Variants in FMR1NB observed in about 807,000 individuals in gnomAD.
The protein encoded by FMR1NB is FMR1 neighbor protein.
Under a neutral mutation model 16.8 loss-of-function variants are expected in FMR1NB, and 10 were observed. That is an observed-to-expected ratio of 0.60 (90% CI 0.37 to 1.01). The LOEUF (loss-of-function observed/expected upper bound fraction) is 1.01, where lower values mean the gene tolerates loss of function less well. Among genes scored for constraint, FMR1NB ranks in the 50% least tolerant of loss-of-function variants. The pLI, the probability that FMR1NB is intolerant of heterozygous loss-of-function variation, is 0.01. For synonymous variants in FMR1NB, 83 were observed against 79.1 expected (o/e 1.05, Z -0.26); for missense variants, 205 against 204.8 (o/e 1.00, Z 0.00).
chrX:148,017,852 C>G (rs2044658174), intron 4 of FMR1NB, among the ~76,000 whole-genome samples: 1 of 106,609 alleles, frequency 9.4e-6, no homozygotes, highest in South Asian at 4.2e-4. Flanking sequence ...ATCCATGTCC[C>G]TACAAAGGAC....
intron 1 of FMR1NB, among the ~76,000 whole-genome samples, chrX:147,999,777 A>G (rs2044561944): frequency 8.9e-6 from 1 of 111,994 alleles, no homozygotes. Context: ...TGGGTGTTCA[A>G]TAATGAGTAA....
chrX:147,992,342 A>ACC (rs1356112279), intron 1 of FMR1NB, among the ~76,000 whole-genome samples: 2 of 47,024 alleles, frequency 4.3e-5, no homozygotes, highest in Non-Finnish European at 7.3e-5. Flanking sequence ...CAGGGGGCTG[A>ACC]CCCCCCACCT....
At chrX:148,016,854 G>A (rs370964745) in intron 4 of FMR1NB, among the ~76,000 whole-genome samples, 2 of 110,626 alleles carry the variant, frequency 1.8e-5, no homozygotes, top group East Asian at 5.7e-4. Context: ...TTTTTGATTG[G>A]TTCGTCTTTA....
rs375463120 is a variant in FMR1NB at position 148,009,224 on chromosome X, A to G, written c.632+513A>G. ...TGCGTGTTATTTTATTTTTCCATAGATTTTCTTCTTGCATAGTATCTGTAC... is the reference window on the plus strand; with the variant it reads ...TGCGTGTTATTTTATTTTTCCATAGGTTTTCTTCTTGCATAGTATCTGTAC... On this transcript the variant is annotated intron_variant, in intron 4 of 5. Transcript: ENST00000370467. Among the ~76,000 whole-genome samples, 7 of 111,306 alleles carry G rather than the reference A, an allele frequency of 6.3e-5. No homozygotes were observed. In the East Asian group the frequency reaches 2.0e-3, roughly 31 times the overall value.
intron 1 of FMR1NB, among the ~76,000 whole-genome samples, chrX:147,985,905 C>T: frequency 8.9e-6 from 1 of 111,920 alleles, no homozygotes. Flanking sequence ...CTGTCTTCCA[C>T]AATGGTTGAA....
chrX:148,001,891 GTTATC>G (rs1228075830), intron 1 of FMR1NB, among the ~76,000 whole-genome samples: 6 of 111,636 alleles, frequency 5.4e-5, no homozygotes, highest in Non-Finnish European at 9.4e-5. Context: ...ATGTGATGAT[GTTATC>G]TTAAGTATAA....
At chrX:148,023,713 A>G (rs953962322) in intron 4 of FMR1NB, among the ~76,000 whole-genome samples, 6 of 111,192 alleles carry the variant, frequency 5.4e-5, no homozygotes, top group Non-Finnish European at 7.6e-5. Context: ...TTTTTGGCTT[A>G]TGTTTAGTTC....
At chrX:147,993,288 C>G (rs1017251948) in intron 1 of FMR1NB, among the ~76,000 whole-genome samples, 3 of 111,918 alleles carry the variant, frequency 2.7e-5, no homozygotes, top group South Asian at 3.7e-4. Flanking sequence ...TGCCTGCAAT[C>G]GCAGGCATTC....
chrX:147,996,018 A>T (rs1204750446), intron 1 of FMR1NB, among the ~76,000 whole-genome samples: 1 of 112,072 alleles, frequency 8.9e-6, no homozygotes, highest in South Asian at 3.7e-4. Context: ...TTTCCTGTTC[A>T]GTCAAAATGC....
At chrX:148,018,370 A>G (rs2044661330) in intron 4 of FMR1NB, among the ~76,000 whole-genome samples, 1 of 111,168 alleles carries the variant, frequency 9.0e-6, no homozygotes, top group Non-Finnish European at 1.9e-5. Flanking sequence ...TGCCAAGTCA[A>G]TCCTAAGCCA....
chrX:148,023,102 C>T (rs1390829528), intron 4 of FMR1NB, among the ~76,000 whole-genome samples: 3 of 111,129 alleles, frequency 2.7e-5, no homozygotes, highest in Non-Finnish European at 5.7e-5. Context: ...AGATGCTACC[C>T]CAGACCCCAT....
intron 1 of FMR1NB, among the ~76,000 whole-genome samples, chrX:147,989,361 C>G (rs1217349787): frequency 8.9e-6 from 1 of 111,810 alleles, no homozygotes; most frequent in African/African-American, 3.3e-5. Context: ...GCTTTCTGCT[C>G]CTTTCTCTGG....
chrX:148,001,955 G>A (rs781980321), intron 1 of FMR1NB, among the ~76,000 whole-genome samples: 4 of 110,281 alleles, frequency 3.6e-5, no homozygotes, highest in South Asian at 3.9e-4. Context: ...TGGAAAAATC[G>A]TATCCCTACT....
At chrX:148,007,166 GCTTA>G (rs2044601163) in intron 3 of FMR1NB, among the ~76,000 whole-genome samples, 1 of 112,480 alleles carries the variant, frequency 8.9e-6, no homozygotes, top group Non-Finnish European at 1.9e-5. Context: ...GCATGCCTTA[GCTTA>G]CTTCTCTTTG....
At chrX:147,996,728 C>G (rs1438010093) in intron 1 of FMR1NB, among the ~76,000 whole-genome samples, 1 of 112,174 alleles carries the variant, frequency 8.9e-6, no homozygotes, top group Non-Finnish European at 1.9e-5. Context: ...TTTGACTGCA[C>G]AAGTCACATA....
intron 1 of FMR1NB, among the ~76,000 whole-genome samples, chrX:147,984,661 A>T (rs2044467573): frequency 8.9e-6 from 1 of 111,735 alleles, no homozygotes; most frequent in Non-Finnish European, 1.9e-5. Flanking sequence ...GTAAATAGAG[A>T]GAGTTTTACT....
intron 1 of FMR1NB, among the ~76,000 whole-genome samples, chrX:147,986,614 A>G (rs1485793074): frequency 1.8e-5 from 2 of 111,610 alleles, no homozygotes; most frequent in East Asian, 5.6e-4. Context: ...AGGTTTGTCA[A>G]TGATCAGATG....
At chrX:148,011,862 C>A (rs2044627204) in intron 4 of FMR1NB, among the ~76,000 whole-genome samples, 1 of 111,446 alleles carries the variant, frequency 9.0e-6, no homozygotes, top group South Asian at 3.8e-4. Context: ...GACTTGAGTT[C>A]TAGTGTGATA....
intron 3 of FMR1NB, among the ~76,000 whole-genome samples, chrX:148,007,709 C>T (rs781827682): frequency 6.2e-5 from 7 of 112,016 alleles, no homozygotes; most frequent in Non-Finnish European, 1.1e-4. Flanking sequence ...TTTCCAGTTG[C>T]TCTCATGATG....
Sources: allele counts gnomAD v4.1 joint callset (sites outside exome capture counted in the v4.1 genomes callset), GRCh38; gene constraint gnomAD v4.1.1; transcripts MANE v1.5; gene names NCBI Gene and HGNC (gene_info 2026-07-23, HGNC 2026-07-21).